Variants in HIVEP1 observed in about 807,000 individuals in gnomAD.
HIVEP1 encodes HIVEP zinc finger 1, also known as zinc finger protein 40.
Under a neutral mutation model 180.0 loss-of-function variants are expected in HIVEP1, and 36 were observed. The observed-to-expected ratio is 0.20, with a 90% CI of 0.15 to 0.26. HIVEP1 has a LOEUF of 0.26. Among genes scored for constraint, HIVEP1 ranks in the 10% least tolerant of loss-of-function variants. HIVEP1 has a pLI of 1.00. For missense variants in HIVEP1, 3,143 were observed against 3,268.7 expected (o/e 0.96, Z 0.94); for synonymous variants, 1,239 against 1,239.0 (o/e 1.00, Z 0.00).
At chr6:12,030,038 G>T (rs900726766) in intron 2 of HIVEP1, among the ~76,000 whole-genome samples, 1 of 151,970 alleles carries the variant, frequency 6.6e-6, no homozygotes, top group African/African-American at 2.4e-5. Context: ...TTTTCCTTCC[G>T]TTTTGAAGCA....
chr6:12,119,955 G>A lies in HIVEP1; in HGVS notation c.160G>A (p.Val54Ile), dbSNP rs752580925. 4.7e-5 allele frequency: 76 copies of A among 1,607,598 alleles called. No individual in the cohort carries two copies. In the South Asian group the frequency reaches 5.1e-4, roughly 11 times the overall value. ...SLKGVKRKKI[V>I]AENHLKKIPK... ...TAAAGGTGTGAAACGCAAAAAGATC[G>A]TAGCTGAGAATCACCTGAAAAAAAT... The change falls in exon 4 of 9, where the codon GTA becomes ATA. Residue 54 changes from valine (V) to isoleucine (I), a missense_variant. By Grantham distance (29) the Val-to-Ile change is conservative. This residue lies in a region of HIVEP1 where 114 missense variants were observed against 134.5 expected (regional missense o/e 0.85). Transcript: ENST00000379388.
At chr6:12,058,934 A>G (rs1375735955) in intron 2 of HIVEP1, among the ~76,000 whole-genome samples, 1 of 151,006 alleles carries the variant, frequency 6.6e-6, no homozygotes, top group Admixed American at 6.6e-5. Flanking sequence ...AGACATAGAC[A>G]TTCATGCTTA....
chr6:12,106,977 T>C lies in HIVEP1; in HGVS notation c.95-12913T>C, dbSNP rs141302144. 9.2e-5 allele frequency among the ~76,000 whole-genome samples: 14 copies of C among 152,370 alleles called. No individual in the cohort carries two copies. In the East Asian group the frequency reaches 2.7e-3, roughly 29 times the overall value. ...ATAACTTTCTAAATATTTGGAGGTT[T>C]TTCAGGTATCTTTCTGCTATTTCTA... On this transcript the variant is annotated intron_variant, in intron 3 of 8. Coordinates refer to ENST00000379388, the MANE Select transcript of HIVEP1 (RefSeq NM_002114.4).
intron 7 of HIVEP1, among the ~76,000 whole-genome samples, chr6:12,151,175 C>T (rs1171563370): frequency 6.6e-6 from 1 of 152,102 alleles, no homozygotes; most frequent in Non-Finnish European, 1.5e-5. Context: ...CCTGATTTTT[C>T]CCTCATGAAT....
At chr6:12,117,145 C>A (rs554004934) in intron 3 of HIVEP1, among the ~76,000 whole-genome samples, 1 of 152,130 alleles carries the variant, frequency 6.6e-6, no homozygotes, top group East Asian at 1.9e-4. Flanking sequence ...AAAAGTTGAC[C>A]AGAAAACGTA....
rs79501336 is a variant in HIVEP1 at position 12,116,048 on chromosome 6, T to C, written c.95-3842T>C. Among the ~76,000 whole-genome samples the C allele has an allele frequency of 1.8e-3, 270 of 152,166 alleles. 2 individuals are homozygous for C. Among genetic ancestry groups the C allele is most frequent in the African/African-American group, 6.0e-3 (250 of 41,514 alleles). ...TAATGGTGAACAGCTGTCTCCTCCT[T>C]CTCTTCATACCAATTTTATTTCTGC... On this transcript the variant is annotated intron_variant, in intron 3 of 8. Transcript: ENST00000379388.
At chr6:12,021,687 C>T (rs781594168) in intron 2 of HIVEP1, among the ~76,000 whole-genome samples, 8 of 152,122 alleles carry the variant, frequency 5.3e-5, no homozygotes, top group African/African-American at 1.9e-4. Flanking sequence ...GTTTTTGAGA[C>T]GGAGTTTCAC....
At chr6:12,010,725 T>C (rs1317977172), upstream of HIVEP1, among the ~76,000 whole-genome samples, 6 of 152,140 alleles carry the variant, frequency 3.9e-5, no homozygotes, top group African/African-American at 1.4e-4. Flanking sequence ...TGCCCCAAAC[T>C]GCGAACGTTC....
chr6:12,180,892 A>G, the HIVEP1 span, among the ~76,000 whole-genome samples: 1 of 152,240 alleles, frequency 6.6e-6, no homozygotes, highest in Non-Finnish European at 1.5e-5. Flanking sequence ...CTTCAAGTAC[A>G]GGTGTAAACA....
At chr6:12,131,779 TAAAAAAAAA>T (rs143910763) in intron 6 of HIVEP1, among the ~76,000 whole-genome samples, 2 of 90,696 alleles carry the variant, frequency 2.2e-5, no homozygotes, top group South Asian at 4.9e-4. Flanking sequence ...GAGAAAACAG[TAAAAAAAAA>T]AAAAAAAAAA....
chr6:12,048,908 T>C (rs1305092178), intron 2 of HIVEP1, among the ~76,000 whole-genome samples: 1 of 152,222 alleles, frequency 6.6e-6, no homozygotes, highest in East Asian at 1.9e-4. Context: ...TTATGTGGTA[T>C]CTACTGGGCA....
chr6:12,070,638 G>A (rs1771907093), intron 2 of HIVEP1, among the ~76,000 whole-genome samples: 1 of 152,136 alleles, frequency 6.6e-6, no homozygotes, highest in African/African-American at 2.4e-5. Flanking sequence ...TAATATGAAA[G>A]TCTATTATTT....
chr6:12,134,868 G>A (rs1758619875), intron 6 of HIVEP1, among the ~76,000 whole-genome samples: 1 of 152,214 alleles, frequency 6.6e-6, no homozygotes, highest in Admixed American at 6.5e-5. Context: ...CTTATACTCT[G>A]TATGTGAAAT....
chr6:12,134,830 A>G (rs1278244620), intron 6 of HIVEP1, among the ~76,000 whole-genome samples: 1 of 152,228 alleles, frequency 6.6e-6, no homozygotes, highest in Non-Finnish European at 1.5e-5. Context: ...GCCAGAGGAA[A>G]CACTCCTTTA....
In HIVEP1 at chr6:12,123,985, A is replaced by G; in HGVS notation, c.4190A>G (p.Gln1397Arg). The G allele has an allele frequency of 1.2e-6, 2 of 1,614,080 alleles. No individual in the cohort carries two copies. The highest frequency in any genetic ancestry group is 1.7e-6 in the Non-Finnish European group (2 of 1,180,006). ...SFDCGSITPP[Q>R]TTPLTELQPP... ...GATTGTGGAAGCATCACCCCACCCC[A>G]GACAACACCACTTACTGAATTGCAG... Residue 1397 changes from glutamine to arginine, a missense_variant, in exon 4 of 9, where the codon CAG (glutamine) becomes CGG (arginine). By Grantham distance (43) the Gln-to-Arg change is conservative (BLOSUM62 1). Transcript: ENST00000379388.
At chr6:12,166,433 G>C (rs1025520984), downstream of HIVEP1, among the ~76,000 whole-genome samples, 1 of 152,040 alleles carries the variant, frequency 6.6e-6, no homozygotes. Flanking sequence ...CTCTTATTTT[G>C]TACTTTTCAA....
the HIVEP1 span, among the ~76,000 whole-genome samples, chr6:12,187,861 C>T: frequency 6.6e-6 from 1 of 152,154 alleles, no homozygotes; most frequent in African/African-American, 2.4e-5. Context: ...GTTGGGATTA[C>T]AGGTGTGAGC....
chr6:12,074,782 C>T (rs907253846), intron 2 of HIVEP1, among the ~76,000 whole-genome samples: 4 of 151,324 alleles, frequency 2.6e-5, no homozygotes, highest in African/African-American at 9.7e-5. Flanking sequence ...AGTGATGGAT[C>T]AGTATTGGAG....
chr6:12,123,091 GC>G lies in HIVEP1; in HGVS notation c.3299del (p.Pro1100LeufsTer17). On this transcript the variant is annotated frameshift_variant, in exon 4 of 9. Coordinates refer to ENST00000379388, the MANE Select transcript of HIVEP1 (RefSeq NM_002114.4). LOFTEE classifies it high-confidence loss of function. ...QNSHIHLVARGPEQTMDPKLS... is the reference protein window; with the variant it reads ...QNSHIHLVARXPEQTMDPKLS... ...TCCCATATTCACCTTGTTGCCAGGG[GC>G]CCTGAGCAGACCATGGATCCCAAGC... The G allele has an allele frequency of 6.2e-7, 1 of 1,614,118 alleles. No individual in the cohort carries two copies. The highest frequency in any genetic ancestry group is 8.5e-7 in the Non-Finnish European group (1 of 1,180,018).
Sources: gnomAD v4.1 joint callset for allele counts (sites outside exome capture counted in the v4.1 genomes callset) on GRCh38, gnomAD v4.1.1 for gene constraint, gnomAD v4.1.1 regional missense constraint, MANE v1.5 for transcripts, NCBI Gene and HGNC (gene_info 2026-07-23, HGNC 2026-07-21) for gene names.